The following FLT4 variants were observed in gnomAD, a reference collection of about 807,000 sequenced individuals.
FLT4 encodes fms related receptor tyrosine kinase 4, also known as vascular endothelial growth factor receptor 3.
A neutral mutation model predicts 163.2 loss-of-function variants in FLT4; 30 were observed. The observed-to-expected ratio is 0.18, with a 90% CI of 0.14 to 0.25. FLT4 has a LOEUF of 0.25. Ranked by LOEUF, FLT4 falls within the 10% of genes least tolerant of loss-of-function variation. FLT4 has a pLI of 1.00. For missense variants in FLT4, 1,510 were observed against 1,863.8 expected (o/e 0.81, Z 3.50); for synonymous variants, 884 against 789.5 (o/e 1.12, Z -2.01).
rs552845592 is a variant in FLT4 at position 180,604,452 on chromosome 5, T to G, written c.3894-1062A>C. On this transcript the variant is annotated intron_variant, in intron 29 of 29. Coordinates refer to ENST00000261937, the MANE Select transcript of FLT4 (RefSeq NM_182925.5). ...TGTCCTTGCCGGCTCTGTGACATCC[T>G]CCCGCGGACTGCTGTGTGCTTCCAC... is the stretch of plus-strand genomic sequence containing the variant. Among the ~76,000 whole-genome samples the G allele has an allele frequency of 1.4e-3, 217 of 152,226 alleles. 1 individual carries two copies. The highest frequency in any genetic ancestry group is 2.3e-3 in the Non-Finnish European group (157 of 68,008).
At position 180,618,697 on chromosome 5, in the gene FLT4, G is replaced by GTTGGGTTACC. The variant is rs765979038; in HGVS notation, c.3001+72_3001+73insGGTAACCCAA. On this transcript the variant is annotated intron_variant, in intron 21 of 29. Coordinates refer to ENST00000261937, the MANE Select transcript of FLT4 (RefSeq NM_182925.5). ...TGAAAGCCCCCGCTGAGGACCCCAG[G>GTTGGGTTACC]CTGGGGTGCCTGATCACGGGATATA... 6 of 323,894 alleles carry GTTGGGTTACC rather than the reference G, an allele frequency of 1.9e-5. No homozygotes were observed. The East Asian group carries it at 2.1e-4, about 11-fold the overall frequency. 20.1% of individuals were successfully genotyped at this position (323,894 alleles called of 1,614,324 possible).
chr5:180,620,805 C>T lies in FLT4; in HGVS notation c.2299+71G>A. 1 of 1,606,642 alleles carries T rather than the reference C, an allele frequency of 6.2e-7. No homozygotes were observed. Among genetic ancestry groups the T allele is most frequent in the African/African-American group, 1.3e-5 (1 of 74,960 alleles). ...CACCCCTTCTGGTGGCCACGACTTG[C>T]CCAAGGTGGCCACAAGAAAGCGTTA... is the stretch of plus-strand genomic sequence containing the variant. On this transcript the variant is annotated intron_variant, in intron 15 of 29. Transcript: ENST00000261937. This position sits in a 1 kb window ranked among gnomAD's most constrained non-coding sequence, Gnocchi z 4.4.
At chr5:180,629,632 T>C (rs1763930291) in intron 6 of FLT4, 64 bp downstream of exon 6, 10 of 1,572,546 alleles carry the variant, frequency 6.4e-6, no homozygotes, top group Non-Finnish European at 7.8e-6. Flanking sequence ...GGAGGCCCAG[T>C]GTGTGCTGTA....
intron 12 of FLT4, 84 bp from the exon 13 acceptor site, chr5:180,621,988 C>CTCCT (rs2127818215): frequency 6.6e-7 from 1 of 1,523,908 alleles, no homozygotes; most frequent in Non-Finnish European, 8.9e-7. Context: ...CTCCTCCTGC[C>CTCCT]TCCCTCCCTC....
At position 180,601,781 on chromosome 5, in the gene FLT4, A is replaced by G. The variant is rs1761529731; in HGVS notation, c.*1411T>C. ...GGGGAGGTCCACGGGGACGACGAAG[A>G]TGACCTTATACGTGCACTCGGCATA... is the stretch of plus-strand genomic sequence containing the variant. On this transcript the variant is annotated 3_prime_UTR_variant, in exon 30 of 30. Transcript: ENST00000261937. The G allele has an allele frequency of 4.3e-6, 1 of 230,368 alleles. No homozygotes were observed. Among genetic ancestry groups the G allele is most frequent in the South Asian group, 1.8e-4 (1 of 5,466 alleles). 14.3% of individuals were successfully genotyped at this position (230,368 alleles called of 1,614,324 possible).
At position 180,609,917 on chromosome 5, in the gene FLT4, G is replaced by A; in HGVS notation, c.3795C>T (p.Tyr1265=). Residue 1265 remains tyrosine (Y), a synonymous_variant, in exon 28 of 30, where the codon TAC becomes TAT. Coordinates refer to ENST00000261937, the MANE Select transcript of FLT4 (RefSeq NM_182925.5). ...FEEFPMTPTT[Y]KGSVDNQTDS... ...TCATGTGAAGTACCACAGAGCCTTT[G>A]TAGGTCGTTGGGGTCATGGGGAATT... is the stretch of plus-strand genomic sequence containing the variant. 6.2e-7 allele frequency: 1 copy of A among 1,614,162 alleles called. No individual in the cohort carries two copies. Among genetic ancestry groups the A allele is most frequent in the Non-Finnish European group, 8.5e-7 (1 of 1,179,996 alleles).
Position 180,618,839 on chromosome 5 carries a change from C to T in FLT4, c.2932G>A (p.Asp978Asn), listed in dbSNP as rs140041761. Reference sequence around the variant, plus strand: ...GAGAACCGCGCGAAGAGGACCCTGTCGCTGCTCCCCGGCCGCCTCCGATCC... The same window carrying T: ...GAGAACCGCGCGAAGAGGACCCTGTTGCTGCTCCCCGGCCGCCTCCGATCC... ...RLDRRRPGSS[D>N]RVLFARFSKT... Residue 978 changes from aspartate (D) to asparagine (N), a missense_variant, in exon 21 of 30, where the codon GAC becomes AAC. Physicochemically the swap from Asp to Asn is conservative, Grantham distance 23 (BLOSUM62 1). This residue lies in a region of FLT4 where 878 missense variants were observed against 1,016.7 expected (regional missense o/e 0.86). Coordinates refer to ENST00000261937, the MANE Select transcript of FLT4 (RefSeq NM_182925.5). 2.5e-6 allele frequency: 4 copies of T among 1,581,314 alleles called. No homozygotes were observed. The highest frequency in any genetic ancestry group is 2.3e-5 in the South Asian group (2 of 86,702).
chr5:180,606,188 GTCT>G (rs1487238840), intron 29 of FLT4, among the ~76,000 whole-genome samples: 1 of 152,204 alleles, frequency 6.6e-6, no homozygotes, highest in East Asian at 1.9e-4. Flanking sequence ...TCCATCATGT[GTCT>G]TCTTCTGACT....
rs758587669 is a variant in FLT4 at position 180,621,772 on chromosome 5, G to A, written c.1790C>T (p.Thr597Met). The A allele has an allele frequency of 5.0e-6, 8 of 1,613,224 alleles. No homozygotes were observed. Among genetic ancestry groups the A allele is most frequent in the African/African-American group, 4.0e-5 (3 of 74,942 alleles). The part of the protein sequence containing the change: ...HLRWYRLNLS[T>M]LHDAHGNPLL... Reference sequence around the variant, plus strand: ...CGGGTTCCCGTGCGCATCGTGCAGCGTGGACAGGTTGAGGCGGTACCAGCG... The same window carrying A: ...CGGGTTCCCGTGCGCATCGTGCAGCATGGACAGGTTGAGGCGGTACCAGCG... The change falls in exon 13 of 30, where the codon ACG becomes ATG. Residue 597 changes from threonine to methionine, a missense_variant. Coordinates refer to ENST00000261937, the MANE Select transcript of FLT4 (RefSeq NM_182925.5).
chr5:180,629,023 T>C, intron 7 of FLT4, 24 bp from the exon 8 acceptor site: 1 of 1,589,630 alleles, frequency 6.3e-7, no homozygotes, highest in Non-Finnish European at 8.6e-7. Context: ...GAAGTCACTG[T>C]AAATCCAGGA....
At position 180,623,905 on chromosome 5, in the gene FLT4, T is replaced by A; in HGVS notation, c.1548+30A>T. On this transcript the variant is annotated intron_variant, in intron 11 of 29. Transcript: ENST00000261937. The surrounding 1 kb of genome is among the most constrained non-coding windows in gnomAD (Gnocchi z 5.8). ...CTCTCTCCTCCCTTCTCCTTCTCCC[T>A]GGGCACTCAGCAGCGCGGCTGGCCT... 1 of 1,613,054 alleles carries A rather than the reference T, an allele frequency of 6.2e-7. No homozygotes were observed. The highest frequency in any genetic ancestry group is 8.5e-7 in the Non-Finnish European group (1 of 1,179,674).
At chr5:180,609,748 G>T in intron 28 of FLT4, 157 bp downstream of exon 28, 3 of 847,500 alleles carry the variant, frequency 3.5e-6, no homozygotes, top group South Asian at 3.0e-5. Context: ...GGCATCGCAG[G>T]AGGGCCCAAA....
rs138109373 is a variant in FLT4 at position 180,646,724 on chromosome 5, C to T, written c.58+2764G>A. 8.5e-4 allele frequency among the ~76,000 whole-genome samples: 129 copies of T among 152,046 alleles called. 1 individual carries two copies. The East Asian group carries it at 0.015, about 18-fold the overall frequency. On this transcript the variant is annotated intron_variant, in intron 1 of 29. Transcript: ENST00000261937. ...CAGGTCCAAGTCCTCCCTGGGCCAC[C>T]CCGAACAGGCACTATGCTGGGGTCT...
At chr5:180,641,150 C>T (rs1425591566) in intron 1 of FLT4, among the ~76,000 whole-genome samples, 2 of 152,216 alleles carry the variant, frequency 1.3e-5, no homozygotes, top group Non-Finnish European at 2.9e-5. Flanking sequence ...CCTCTGTCCT[C>T]CCTCGTCCTC....
rs991324699 is a variant in FLT4, at chr5:180,620,105, G to A, written c.2542+68C>T. The stretch of plus-strand genomic sequence containing the variant: ...CAAGTTTTGAAAATGGAGGGATTCA[G>A]GCACTCCGGCCTGCAGCAGGTGGGT... On this transcript the variant is annotated intron_variant, in intron 17 of 29. Transcript: ENST00000261937. The surrounding 1 kb of genome is among the most constrained non-coding windows in gnomAD (Gnocchi z 4.4). 1 of 1,556,404 alleles carries A rather than the reference G, an allele frequency of 6.4e-7. No individual in the cohort carries two copies. The highest frequency in any genetic ancestry group is 1.3e-5 in the African/African-American group (1 of 74,110).
At chr5:180,614,231 A>G in intron 23 of FLT4, 52 bp from the exon 24 acceptor site, 2 of 1,288,558 alleles carry the variant, frequency 1.6e-6, no homozygotes, top group African/African-American at 1.5e-5. Context: ...GACGGAGGGA[A>G]GCGTGTCCCG....
upstream of FLT4, among the ~76,000 whole-genome samples, chr5:180,650,078 T>TC (rs1302997100): frequency 2.1e-5 from 3 of 146,066 alleles, no homozygotes; most frequent in Non-Finnish European, 3.0e-5. Flanking sequence ...TCCCAGCTTC[T>TC]CGGGGGGGCT....
rs1388425325 is a variant in FLT4 at position 180,611,464 on chromosome 5, A to G, written c.3553T>C (p.Cys1185Arg). 1 of 1,613,832 alleles carries G rather than the reference A, an allele frequency of 6.2e-7. No individual in the cohort carries two copies. The highest frequency in any genetic ancestry group is 1.1e-5 in the South Asian group (1 of 91,084). ...CTCTGAGAGCTGCGCGGGGCCATGCAGACCTCCTCTTCCTCCTGGCGGGAA... is the reference window on the plus strand; with the variant it reads ...CTCTGAGAGCTGCGCGGGGCCATGCGGACCTCCTCTTCCTCCTGGCGGGAA... ...GRGLQEEEEV[C>R]MAPRSSQSSE... The change falls in exon 27 of 30, where the codon TGC (cysteine) becomes CGC (arginine). Residue 1185 changes from cysteine to arginine, a missense_variant. Physicochemically the swap from Cys to Arg is radical, Grantham distance 180 (BLOSUM62 -3). Coordinates refer to ENST00000261937, the MANE Select transcript of FLT4 (RefSeq NM_182925.5).
rs977699891 is a variant in FLT4 at position 180,601,741 on chromosome 5, G to A, written c.*1451C>T. ...CTGACACGCCAGTCCCACGTTGGACGACGTGCAGAGGAAGGGGGAGGTCCA... is the reference window on the plus strand; with the variant it reads ...CTGACACGCCAGTCCCACGTTGGACAACGTGCAGAGGAAGGGGGAGGTCCA... On this transcript the variant is annotated 3_prime_UTR_variant, in exon 30 of 30. Transcript: ENST00000261937. The A allele has an allele frequency of 1.3e-4, 31 of 233,182 alleles. No individual in the cohort carries two copies. The highest frequency in any genetic ancestry group is 2.2e-4 in the Non-Finnish European group (26 of 118,052). 14.4% of individuals were successfully genotyped at this position (233,182 alleles called of 1,614,324 possible). A position where few individuals can be genotyped will look rare whatever the true frequency, so the allele number is the denominator to read the frequency against.
Sources: allele counts gnomAD v4.1 joint callset (sites outside exome capture counted in the v4.1 genomes callset), GRCh38; gene constraint gnomAD v4.1.1; regional missense constraint gnomAD v4.1.1; non-coding constraint Gnocchi (gnomAD v3.1); transcripts MANE v1.5; gene names NCBI Gene and HGNC (gene_info 2026-07-23, HGNC 2026-07-21).